The following LHPP variants were observed in gnomAD, a reference collection of about 807,000 sequenced individuals.
LHPP encodes the protein hLHPP.
LHPP carries 24 observed loss-of-function variants against 30.3 expected under a neutral mutation model. The observed-to-expected ratio is 0.79, with a 90% CI of 0.57 to 1.11. The LOEUF (loss-of-function observed/expected upper bound fraction) is 1.11. Among genes scored for constraint, LHPP ranks in the 50% most tolerant of loss-of-function variants. LHPP has a pLI of 0.00. For missense variants in LHPP, 356 were observed against 367.2 expected (o/e 0.97, Z 0.25); for synonymous variants, 150 against 157.1 (o/e 0.95, Z 0.34).
intron 6 of LHPP, among the ~76,000 whole-genome samples, chr10:124,595,008 T>C (rs1948925016): frequency 6.6e-6 from 1 of 152,350 alleles, no homozygotes; most frequent in East Asian, 1.9e-4. Context: ...ATTAAACTTC[T>C]TTCCTTTAAA....
intron 6 of LHPP, among the ~76,000 whole-genome samples, chr10:124,606,642 G>A (rs188759242): frequency 6.9e-4 from 105 of 152,372 alleles, no homozygotes; most frequent in Non-Finnish European, 1.2e-3. Context: ...ACTGAGGCTC[G>A]GGCAGGTGAA....
rs150503136 is a variant in LHPP at position 124,578,788 on chromosome 10, C to G, written c.717-34476C>G. On this transcript the variant is annotated intron_variant, in intron 6 of 6. Coordinates refer to ENST00000368842, the MANE Select transcript of LHPP (RefSeq NM_022126.4). ...TGCACCCCCACCATCCAGTGCAGCC[C>G]AGCACCTAGGGGGCATGGGGCCAGT... is the stretch of plus-strand genomic sequence containing the variant. Among the ~76,000 whole-genome samples, 646 of 139,128 alleles carry G rather than the reference C, an allele frequency of 4.6e-3. 4 individuals are homozygous for G. The highest frequency in any genetic ancestry group is 0.011 in the Middle Eastern group (3 of 272). The allele number at this position is 139,128 out of a possible 152,430, so 91.3% of individuals were successfully genotyped here. A position where few individuals can be genotyped will look rare whatever the true frequency, so the allele number is the denominator to read the frequency against.
At chr10:124,543,106 G>A (rs988731961) in intron 6 of LHPP, among the ~76,000 whole-genome samples, 6 of 152,202 alleles carry the variant, frequency 3.9e-5, no homozygotes, top group South Asian at 2.1e-4. Flanking sequence ...CCTGTCAGGG[G>A]GCTGGATACC....
At chr10:124,558,007 C>T (rs1350391712) in intron 6 of LHPP, among the ~76,000 whole-genome samples, 3 of 152,202 alleles carry the variant, frequency 2.0e-5, no homozygotes, top group African/African-American at 7.2e-5. Context: ...CACATGGAGC[C>T]TGTCCTCTTG....
intron 1 of LHPP, among the ~76,000 whole-genome samples, chr10:124,480,077 A>G (rs753310558): frequency 6.6e-6 from 1 of 152,232 alleles, no homozygotes; most frequent in Non-Finnish European, 1.5e-5. Flanking sequence ...AAGGCTCAGT[A>G]TAATGTTGTA....
chr10:124,491,141 A>G (rs537102514), intron 3 of LHPP, among the ~76,000 whole-genome samples: 2 of 152,354 alleles, frequency 1.3e-5, no homozygotes, highest in South Asian at 4.1e-4. Flanking sequence ...CTGCACAGCT[A>G]GAATTCTAGA....
chr10:124,590,126 G>A lies in LHPP; in HGVS notation c.717-23138G>A, dbSNP rs1053829630. ...ATAGTGTGAACAGCTCATTCGATTCGTTCATGTGACGTCCTCCCTCTCCCA... is the reference window on the plus strand; with the variant it reads ...ATAGTGTGAACAGCTCATTCGATTCATTCATGTGACGTCCTCCCTCTCCCA... On this transcript the variant is annotated intron_variant, in intron 6 of 6. Transcript: ENST00000368842. This position sits in a 1 kb window ranked among gnomAD's most constrained non-coding sequence, Gnocchi z 4.3. Among the ~76,000 whole-genome samples, 15 of 152,114 alleles carry A rather than the reference G, an allele frequency of 9.9e-5. No individual in the cohort carries two copies. The highest frequency in any genetic ancestry group is 3.1e-4 in the African/African-American group (13 of 41,410).
At chr10:124,486,637 A>C (rs1589778930) in intron 2 of LHPP, among the ~76,000 whole-genome samples, 1 of 152,274 alleles carries the variant, frequency 6.6e-6, no homozygotes, top group Non-Finnish European at 1.5e-5. Flanking sequence ...ATTGGCCACC[A>C]GGGAAGCTCA....
intron 6 of LHPP, among the ~76,000 whole-genome samples, chr10:124,561,421 TCCCCTAGTCAGTGGTG>T: frequency 6.6e-6 from 1 of 151,856 alleles, no homozygotes; most frequent in Non-Finnish European, 1.5e-5. Flanking sequence ...AGCCTGTGCT[TCCCCTAGTCAGTGGTG>T]ACAAGACATC....
intron 1 of LHPP, among the ~76,000 whole-genome samples, chr10:124,476,404 T>C (rs1024771559): frequency 6.6e-6 from 1 of 152,164 alleles, no homozygotes; most frequent in Non-Finnish European, 1.5e-5. Flanking sequence ...GCCCGTGGCA[T>C]CTCTGCTGTG....
intron 3 of LHPP, among the ~76,000 whole-genome samples, chr10:124,492,618 A>G (rs952662701): frequency 6.6e-6 from 1 of 152,202 alleles, no homozygotes; most frequent in African/African-American, 2.4e-5. Context: ...TCATCCAAAA[A>G]CACCTTCACA....
rs561468599 is a variant in LHPP, at chr10:124,613,273, C to T, written c.726C>T (p.Asp242=). The change falls in exon 7 of 7, where the codon GAC becomes GAT. Residue 242 remains aspartate (D), a synonymous_variant. Transcript: ENST00000368842. The part of the protein sequence containing the change: ...QVRTGKFRPS[D]EHHPEVKADG... Reference sequence around the variant, plus strand: ...CGGCCATCCTCTCCAGGCCCAGTGACGAGCACCATCCGGAAGTGAAGGCTG... The same window carrying T: ...CGGCCATCCTCTCCAGGCCCAGTGATGAGCACCATCCGGAAGTGAAGGCTG... The T allele has an allele frequency of 4.3e-6, 7 of 1,613,162 alleles. No individual in the cohort carries two copies. The highest frequency in any genetic ancestry group is 2.7e-5 in the African/African-American group (2 of 75,016).
intron 1 of LHPP, among the ~76,000 whole-genome samples, chr10:124,468,402 C>T (rs535802633): frequency 1.3e-5 from 2 of 152,314 alleles, no homozygotes; most frequent in Admixed American, 1.3e-4. Flanking sequence ...TAAAATCTCC[C>T]TTCCCAAAAG....
intron 3 of LHPP, among the ~76,000 whole-genome samples, chr10:124,495,514 G>A (rs1028179821): frequency 3.3e-5 from 5 of 152,226 alleles, no homozygotes; most frequent in Non-Finnish European, 7.3e-5. Context: ...TCATCTCACA[G>A]GTGTGGCTGG....
chr10:124,612,869 G>A (rs923589264), intron 6 of LHPP: 5 of 212,100 alleles, frequency 2.4e-5, no homozygotes, highest in East Asian at 2.4e-4. Flanking sequence ...CTCCTCCCAC[G>A]GGGCACTAGG....
In LHPP at chr10:124,540,343, G is replaced by A. The variant is rs566095475; in HGVS notation, c.716+23072G>A. Reference sequence around the variant, plus strand: ...CCACCAGGGGGCGGCAGGGACTTGCGGCCGGGGACCCAGCCTGGTTTCTCC... The same window carrying A: ...CCACCAGGGGGCGGCAGGGACTTGCAGCCGGGGACCCAGCCTGGTTTCTCC... On this transcript the variant is annotated intron_variant, in intron 6 of 6. Coordinates refer to ENST00000368842, the MANE Select transcript of LHPP (RefSeq NM_022126.4). Among the ~76,000 whole-genome samples the A allele has an allele frequency of 1.5e-4, 23 of 152,318 alleles. No homozygotes were observed. The East Asian group carries it at 2.3e-3, about 15-fold the overall frequency.
At chr10:124,550,129 T>C (rs1225241930) in intron 6 of LHPP, among the ~76,000 whole-genome samples, 1 of 152,214 alleles carries the variant, frequency 6.6e-6, no homozygotes, top group Non-Finnish European at 1.5e-5. Flanking sequence ...TTCTCTCCTT[T>C]GCGTGCTGTG....
chr10:124,586,446 A>T (rs1948804573), intron 6 of LHPP, among the ~76,000 whole-genome samples: 1 of 152,216 alleles, frequency 6.6e-6, no homozygotes, highest in Non-Finnish European at 1.5e-5. Context: ...GGTCAGTTAC[A>T]AATATGAGTG....
chr10:124,606,827 C>T (rs889945490), intron 6 of LHPP, among the ~76,000 whole-genome samples: 5 of 152,300 alleles, frequency 3.3e-5, no homozygotes, highest in African/African-American at 1.2e-4. Flanking sequence ...GCCCACATGG[C>T]CAGGACACAG....
Sources: gnomAD v4.1 joint callset for allele counts (sites outside exome capture counted in the v4.1 genomes callset) on GRCh38, gnomAD v4.1.1 for gene constraint, Gnocchi (gnomAD v3.1) non-coding constraint, MANE v1.5 for transcripts, NCBI Gene and HGNC (gene_info 2026-07-23, HGNC 2026-07-21) for gene names.